Variants in BLTP1 observed in about 807,000 individuals in gnomAD.
BLTP1 encodes the protein bridge-like lipid transfer protein family member 1.
the BLTP1 span, chr4:122,312,883 T>G: frequency 1.2e-6 from 1 of 859,372 alleles, no homozygotes; most frequent in Non-Finnish European, 1.4e-6. Context: ...ATATGTACTC[T>G]GGAGTTTAAA....
chr4:122,348,243 T>C, the BLTP1 span, among the ~76,000 whole-genome samples: 1 of 152,180 alleles, frequency 6.6e-6, no homozygotes, highest in Non-Finnish European at 1.5e-5. Context: ...CAGCACCTTA[T>C]GATTTTCTTC....
the BLTP1 span, among the ~76,000 whole-genome samples, chr4:122,352,394 C>G: frequency 7.9e-6 from 1 of 126,636 alleles, no homozygotes; most frequent in South Asian, 2.6e-4. Flanking sequence ...GGTTCTCACT[C>G]TGTCATCCAG....
chr4:122,293,895 G>A, the BLTP1 span, among the ~76,000 whole-genome samples: 13 of 152,140 alleles, frequency 8.5e-5, no homozygotes, highest in African/African-American at 2.9e-4. Flanking sequence ...CAGGGAGTCC[G>A]GGCAGTCCAG....
chr4:122,205,089 A>G, the BLTP1 span, among the ~76,000 whole-genome samples: 1 of 151,858 alleles, frequency 6.6e-6, no homozygotes, highest in Admixed American at 6.6e-5. Context: ...TAGCTTCTGT[A>G]TGTGGCAGCT....
the BLTP1 span, among the ~76,000 whole-genome samples, chr4:122,205,672 G>T: frequency 2.2e-5 from 3 of 136,038 alleles, no homozygotes; most frequent in Non-Finnish European, 3.1e-5. Flanking sequence ...TAGTGTCAAA[G>T]TCTGTGCTAT....
the BLTP1 span, chr4:122,270,884 C>T: frequency 4.9e-6 from 6 of 1,213,854 alleles, no homozygotes; most frequent in Non-Finnish European, 6.7e-6. Context: ...GCATATTTTA[C>T]TGGTTTGCTT....
chr4:122,344,684 A>G, the BLTP1 span: 3 of 1,145,768 alleles, frequency 2.6e-6, no homozygotes, highest in South Asian at 4.8e-5. Flanking sequence ...AAGTTGATAT[A>G]AAGGAGAGGA....
At chr4:122,310,944 T>G in the BLTP1 span, 1 of 915,816 alleles carries the variant, frequency 1.1e-6, no homozygotes, top group South Asian at 5.0e-5. Flanking sequence ...GAAATCTTTA[T>G]AGATTTATTA....
the BLTP1 span, chr4:122,307,412 T>G: frequency 1.1e-6 from 1 of 934,988 alleles, no homozygotes; most frequent in Non-Finnish European, 1.3e-6. Context: ...CCTACTTCTC[T>G]GGCCTCTCCA....
At chr4:122,266,629 G>C in the BLTP1 span, 207 of 205,452 alleles carry the variant, frequency 1.0e-3, 3 homozygotes, top group African/African-American at 4.6e-3. Flanking sequence ...TAAAGTTAGA[G>C]TCAATTATAT....
At chr4:122,261,415 C>A in the BLTP1 span, 1 of 984,988 alleles carries the variant, frequency 1.0e-6, no homozygotes, top group Non-Finnish European at 1.2e-6. Context: ...GCTTAGTTTC[C>A]GATCTTTGCT....
chr4:122,250,697 A>G, the BLTP1 span: 12 of 957,302 alleles, frequency 1.3e-5, no homozygotes, highest in Admixed American at 2.5e-5. Context: ...TGGATTTATG[A>G]TATCTGCTTA....
chr4:122,162,684 A>G, the BLTP1 span: 2 of 984,086 alleles, frequency 2.0e-6, no homozygotes, highest in Non-Finnish European at 2.4e-6. Flanking sequence ...GTTAAGAAAA[A>G]TAGAAGAGGA....
At chr4:122,161,960 A>T in the BLTP1 span, among the ~76,000 whole-genome samples, 1 of 152,226 alleles carries the variant, frequency 6.6e-6, no homozygotes, top group South Asian at 2.1e-4. Context: ...CTTAAGGAGC[A>T]GTCATTAGTG....
the BLTP1 span, chr4:122,255,387 G>A: frequency 1.2e-6 from 1 of 839,012 alleles, no homozygotes; most frequent in South Asian, 1.7e-5. Context: ...AGAAATACAA[G>A]TCTATAGGCC....
the BLTP1 span, among the ~76,000 whole-genome samples, chr4:122,196,380 T>G: frequency 6.6e-6 from 1 of 152,164 alleles, no homozygotes; most frequent in Non-Finnish European, 1.5e-5. Flanking sequence ...ATTTATATAC[T>G]TGTAGAGAGT....
the BLTP1 span, among the ~76,000 whole-genome samples, chr4:122,153,744 A>G: frequency 6.6e-6 from 1 of 152,238 alleles, no homozygotes; most frequent in African/African-American, 2.4e-5. Context: ...TGTTTTAAAC[A>G]TAGGATTTGA....
At chr4:122,320,878 T>C in the BLTP1 span, among the ~76,000 whole-genome samples, 1 of 152,124 alleles carries the variant, frequency 6.6e-6, no homozygotes, top group Non-Finnish European at 1.5e-5. Context: ...GTTCCTGTCT[T>C]TGTCTTCTCG....
the BLTP1 span, chr4:122,292,383 A>G: frequency 1.2e-6 from 1 of 843,920 alleles, no homozygotes; most frequent in Middle Eastern, 6.2e-4. Flanking sequence ...AATATTCACA[A>G]AGCTCTAGAC....
Sources: allele counts gnomAD v4.1 joint callset (sites outside exome capture counted in the v4.1 genomes callset), GRCh38; gene constraint gnomAD v4.1.1; transcripts MANE v1.5; gene names NCBI Gene and HGNC (gene_info 2026-07-23, HGNC 2026-07-21).